LIMS2: variants seen among roughly 807,000 people sequenced by gnomAD.
The protein encoded by LIMS2 is LIM zinc finger domain containing 2.
LIMS2 carries 30 observed loss-of-function variants against 45.3 expected under a neutral mutation model. The observed-to-expected ratio is 0.66, with a 90% CI of 0.50 to 0.90. LIMS2 has a LOEUF of 0.90. Among genes scored for constraint, LIMS2 ranks in the 40% least tolerant of loss-of-function variants. LIMS2 has a pLI of 0.00. For missense variants in LIMS2, 485 were observed against 468.7 expected (o/e 1.03, Z -0.32); for synonymous variants, 173 against 188.0 (o/e 0.92, Z 0.65).
chr2:127,657,501 C>G lies in LIMS2; in HGVS notation c.73G>C (p.Ala25Pro), dbSNP rs201527546. The G allele has an allele frequency of 3.1e-6, 5 of 1,612,974 alleles. No individual in the cohort carries two copies. Among genetic ancestry groups the G allele is most frequent in the Admixed American group, 1.7e-5 (1 of 59,948 alleles). The change falls in exon 2 of 10, where the codon GCC becomes CCC. Residue 25 changes from alanine (A) to proline (P), a missense_variant. Transcript: ENST00000355119. ...CCATTGCTGTTGACAATGCGCTCGG[C>G]GGGGGAGAAGCGGGCCTGGCAGCGC... ...CQRCQARFSP[A>P]ERIVNSNGEL...
chr2:127,678,211 G>A (rs1037160126), upstream of LIMS2, among the ~76,000 whole-genome samples: 1 of 152,158 alleles, frequency 6.6e-6, no homozygotes, highest in Non-Finnish European at 1.5e-5. This position sits in a 1 kb window ranked among gnomAD's most constrained non-coding sequence, Gnocchi z 5.3. Flanking sequence ...TTAGCTACGG[G>A]GAGGCTGAGG....
intron 2 of LIMS2, 144 bp downstream of exon 2, chr2:127,657,259 C>T (rs1050680551): frequency 1.2e-5 from 11 of 883,938 alleles, no homozygotes; most frequent in Admixed American, 1.2e-4. Flanking sequence ...AGGATGGGCC[C>T]GTGCAGGAGC....
intron 4 of LIMS2, chr2:127,649,988 A>C (rs773911300): frequency 6.3e-7 from 1 of 1,597,442 alleles, no homozygotes; most frequent in Admixed American, 1.7e-5. Context: ...CTTCTCCTAA[A>C]CACAGGTCTC....
chr2:127,652,332 G>A (rs1187345651), intron 4 of LIMS2: 1 of 173,650 alleles, frequency 5.8e-6, no homozygotes, highest in African/African-American at 2.4e-5. Context: ...ACGGCCTGCA[G>A]GGACTCAGCA....
intron 4 of LIMS2, 119 bp from the exon 5 acceptor site, chr2:127,643,191 C>T: frequency 8.8e-7 from 1 of 1,139,096 alleles, no homozygotes. Flanking sequence ...TTCAAAGGGG[C>T]TCAGCCCAGG....
chr2:127,660,951 GCCACC>G, intron 1 of LIMS2, among the ~76,000 whole-genome samples: 1 of 152,064 alleles, frequency 6.6e-6, no homozygotes, highest in Non-Finnish European at 1.5e-5. Flanking sequence ...TGTGGGGGTG[GCCACC>G]TCCTTCCTGT....
rs1030308779 is a variant in LIMS2, at chr2:127,653,830, C to A, written c.359+594G>T. Reference sequence around the variant, plus strand: ...CAGCAGTGTTTTTAACCCAGCTCCCCAGCCCAGTCCTTCAGAAAGGACGAG... The same window carrying A: ...CAGCAGTGTTTTTAACCCAGCTCCCAAGCCCAGTCCTTCAGAAAGGACGAG... On this transcript the variant is annotated intron_variant, in intron 4 of 9. Coordinates refer to ENST00000355119, the MANE Select transcript of LIMS2 (RefSeq NM_001161403.3). The surrounding 1 kb of genome is among the most constrained non-coding windows in gnomAD (Gnocchi z 5.3). 6.6e-6 allele frequency among the ~76,000 whole-genome samples: 1 copy of A among 152,014 alleles called. No homozygotes were observed. Among genetic ancestry groups the A allele is most frequent in the African/African-American group, 2.4e-5 (1 of 41,370 alleles).
At chr2:127,640,473 G>T in intron 7 of LIMS2, 155 bp from the exon 8 acceptor site, 1 of 766,780 alleles carries the variant, frequency 1.3e-6, no homozygotes. Flanking sequence ...TTGAGGGCAC[G>T]GCAACCCATG....
In LIMS2 at chr2:127,672,677, T is replaced by C. The variant is rs931847488; in HGVS notation, c.11+2337A>G. On this transcript the variant is annotated intron_variant, in intron 1 of 9. Transcript: ENST00000355119. This position sits in a 1 kb window ranked among gnomAD's most constrained non-coding sequence, Gnocchi z 4.9. ...CCCTAGTGGCTGCCTTCTGTCTCCT[T>C]CCCCATCTCCTTCCCAGCAGCCCTT... 3.3e-5 allele frequency among the ~76,000 whole-genome samples: 5 copies of C among 152,136 alleles called. No homozygotes were observed. Among genetic ancestry groups the C allele is most frequent in the African/African-American group, 1.2e-4 (5 of 41,434 alleles).
chr2:127,651,026 G>C (rs1303894413), intron 4 of LIMS2: 3 of 1,613,796 alleles, frequency 1.9e-6, no homozygotes. Context: ...GGAACCACTG[G>C]CCATTTGGGG....
chr2:127,664,466 C>A lies in LIMS2; in HGVS notation c.12-6904G>T. 1 of 1,182,182 alleles carries A rather than the reference C, an allele frequency of 8.5e-7. No homozygotes were observed. The allele number at this position is 1,182,182 out of a possible 1,614,324, so 73.2% of individuals were successfully genotyped here. A position where few individuals can be genotyped will look rare whatever the true frequency, so the allele number is the denominator to read the frequency against. ...CTATGGGACCACCTCGGAGGGGAGG[C>A]GCGGCCGCCTGGGGCCAGACACCAA... On this transcript the variant is annotated intron_variant, in intron 1 of 9. Coordinates refer to ENST00000355119, the MANE Select transcript of LIMS2 (RefSeq NM_001161403.3). The surrounding 1 kb of genome is among the most constrained non-coding windows in gnomAD (Gnocchi z 5.5).
At chr2:127,640,625 G>A (rs1682309558) in intron 7 of LIMS2, 1 of 599,006 alleles carries the variant, frequency 1.7e-6, no homozygotes, top group African/African-American at 1.9e-5. Context: ...CTGTACCAGA[G>A]CAAGGGAGGG....
intron 1 of LIMS2, among the ~76,000 whole-genome samples, chr2:127,665,994 A>C (rs1684979843): frequency 6.6e-6 from 1 of 152,242 alleles, no homozygotes; most frequent in Non-Finnish European, 1.5e-5. Flanking sequence ...AAGGCTAGAA[A>C]TTGAGAGAGG....
At position 127,640,102 on chromosome 2, in the gene LIMS2, G is replaced by A. The variant is rs1454681818; in HGVS notation, c.846C>T (p.Ser282=). 2 of 1,613,412 alleles carry A rather than the reference G, an allele frequency of 1.2e-6. No individual in the cohort carries two copies. Among genetic ancestry groups the A allele is most frequent in the Non-Finnish European group, 1.7e-6 (2 of 1,180,004 alleles). Reference sequence around the variant, plus strand: ...TGAGCTTGCTGTTGCAGGTGGAGCAGGAGAAGCAGCTCACACACCAGGCCT... The same window carrying A: ...TGAGCTTGCTGTTGCAGGTGGAGCAAGAGAAGCAGCTCACACACCAGGCCT... ...LNKAWCVSCF[S]CSTCNSKLTL... The change falls in exon 9 of 10, where the codon TCC becomes TCT. Residue 282 remains serine, a synonymous_variant. Coordinates refer to ENST00000355119, the MANE Select transcript of LIMS2 (RefSeq NM_001161403.3).
chr2:127,678,572 G>C (rs1041186248), upstream of LIMS2, among the ~76,000 whole-genome samples: 1 of 152,192 alleles, frequency 6.6e-6, no homozygotes. This position sits in a 1 kb window ranked among gnomAD's most constrained non-coding sequence, Gnocchi z 5.3. Flanking sequence ...CATTGAGAAG[G>C]CATCAAACAC....
At chr2:127,658,985 C>A (rs1684443662) in intron 1 of LIMS2, among the ~76,000 whole-genome samples, 1 of 152,200 alleles carries the variant, frequency 6.6e-6, no homozygotes, top group African/African-American at 2.4e-5. Context: ...CTGCGGCCTG[C>A]AATCTGGGCA....
chr2:127,660,201 CAGCACTCTATAAAATAGACCAATT>C (rs1280276456), intron 1 of LIMS2, among the ~76,000 whole-genome samples: 6 of 152,202 alleles, frequency 3.9e-5, no homozygotes, highest in East Asian at 1.9e-4. Flanking sequence ...ACTGACCAAT[CAGCACTCTATAAAATAGACCAATT>C]AGCACTCTGT....
intron 3 of LIMS2, 30 bp downstream of exon 3, chr2:127,654,791 TCCCAGGCAG>T (rs1558887905): frequency 6.2e-7 from 1 of 1,605,588 alleles, no homozygotes; most frequent in Non-Finnish European, 8.5e-7. Context: ...GCTGCCCACT[TCCCAGGCAG>T]CCCAGGATGT....
intron 4 of LIMS2, chr2:127,646,210 AC>A (rs2105230359): frequency 6.6e-6 from 1 of 151,984 alleles, no homozygotes; most frequent in African/African-American, 2.4e-5. Context: ...TGCCCCGCAG[AC>A]CCCTGTCCCT....
Sources: gnomAD v4.1 joint callset for allele counts (sites outside exome capture counted in the v4.1 genomes callset) on GRCh38, gnomAD v4.1.1 for gene constraint, Gnocchi (gnomAD v3.1) non-coding constraint, MANE v1.5 for transcripts, NCBI Gene and HGNC (gene_info 2026-07-23, HGNC 2026-07-21) for gene names.